The following UNC80 variants were observed in gnomAD, a reference collection of about 807,000 sequenced individuals.
The protein encoded by UNC80 is unc-80 subunit of NALCN channel complex, also known as protein unc-80 homolog.
UNC80 carries 164 observed loss-of-function variants against 384.6 expected under a neutral mutation model. The observed-to-expected ratio is 0.43, with a 90% CI of 0.38 to 0.49. The LOEUF is 0.49. Ranked by LOEUF, UNC80 falls within the 20% of genes least tolerant of loss-of-function variation. UNC80 has a pLI of 0.00. For synonymous variants in UNC80, 1,486 were observed against 1,527.8 expected (o/e 0.97, Z 0.64); for missense variants, 3,330 against 4,143.0 (o/e 0.80, Z 5.39).
At chr2:209,968,145 C>T (rs2092788493) in intron 52 of UNC80, 1 of 153,522 alleles carries the variant, frequency 6.5e-6, no homozygotes, top group Non-Finnish European at 1.4e-5. Context: ...TTACCTAATT[C>T]AGTGTGGTAC....
rs543257239 is a variant in UNC80 at position 209,899,450 on chromosome 2, G to A, written c.4581+3037G>A. Among the ~76,000 whole-genome samples the A allele has an allele frequency of 3.3e-5, 5 of 152,264 alleles. No individual in the cohort carries two copies. In the South Asian group the frequency reaches 1.0e-3, roughly 32 times the overall value. On this transcript the variant is annotated intron_variant, in intron 28 of 64. Transcript: ENST00000673920. Reference sequence around the variant, plus strand: ...AATTATCTGTACTTTCTGCTCAATTGTAATGTGAAGCCAAAACTGCTCTAA... The same window carrying A: ...AATTATCTGTACTTTCTGCTCAATTATAATGTGAAGCCAAAACTGCTCTAA...
At chr2:209,870,639 A>G (rs978336465) in intron 22 of UNC80, among the ~76,000 whole-genome samples, 1 of 152,172 alleles carries the variant, frequency 6.6e-6, no homozygotes, top group Non-Finnish European at 1.5e-5. Flanking sequence ...TGTTGTGGTA[A>G]TACATAATAT....
chr2:209,783,198 G>A (rs530229396), intron 4 of UNC80, among the ~76,000 whole-genome samples: 4 of 152,250 alleles, frequency 2.6e-5, no homozygotes, highest in South Asian at 4.1e-4. Context: ...TTGCCTCTAC[G>A]TGTACTTACA....
Position 209,938,253 on chromosome 2 carries a change from G to A in UNC80, c.6465+623G>A, listed in dbSNP as rs150699019. On this transcript the variant is annotated intron_variant, in intron 42 of 64. Coordinates refer to ENST00000673920, the MANE Select transcript of UNC80 (RefSeq NM_001371986.1). Reference sequence around the variant, plus strand: ...CTTAAGGAAAGTCACTATTCTGCATGCAAAATATAGCTTTAGTACACAATT... The same window carrying A: ...CTTAAGGAAAGTCACTATTCTGCATACAAAATATAGCTTTAGTACACAATT... Among the ~76,000 whole-genome samples, 169 of 152,218 alleles carry A rather than the reference G, an allele frequency of 1.1e-3. 2 individuals are homozygous for A. In the East Asian group the frequency reaches 0.021, roughly 19 times the overall value.
chr2:209,981,919 A>G (rs760622575), intron 59 of UNC80, among the ~76,000 whole-genome samples: 3 of 152,230 alleles, frequency 2.0e-5, no homozygotes, highest in Non-Finnish European at 4.4e-5. Flanking sequence ...TTCACAAATA[A>G]TCTACTTGTA....
chr2:209,777,417 A>G lies in UNC80; in HGVS notation c.458A>G (p.Glu153Gly), dbSNP rs200046472. The change falls in exon 4 of 65, where the codon GAA becomes GGA. Residue 153 changes from glutamate to glycine, a missense_variant. By Grantham distance (98) the Glu-to-Gly change is moderately conservative. Coordinates refer to ENST00000673920, the MANE Select transcript of UNC80 (RefSeq NM_001371986.1). ...AGCAGTGCTTTCATCCACCAGGTTG[A>G]AAACCAGGGTTCTCCAGGGCAGCCT... ...GSSSAFIHQV[E>G]NQGSPGQPCQ... is the part of the protein sequence containing the mutation. 1.2e-6 allele frequency: 2 copies of G among 1,614,198 alleles called. No individual in the cohort carries two copies. Among genetic ancestry groups the G allele is most frequent in the South Asian group, 2.2e-5 (2 of 91,086 alleles).
chr2:209,866,533 C>CACACATACACACACAG (rs1307214321), intron 22 of UNC80, among the ~76,000 whole-genome samples: 4 of 104,136 alleles, frequency 3.8e-5, no homozygotes, highest in Admixed American at 1.8e-4. Context: ...CACACACACA[C>CACACATACACACACAG]AGAGAGAGAG....
intron 51 of UNC80, among the ~76,000 whole-genome samples, chr2:209,963,253 A>G (rs1029105031): frequency 1.3e-5 from 2 of 151,904 alleles, no homozygotes; most frequent in South Asian, 2.1e-4. Context: ...TGTGGTCTCT[A>G]TCTCTCTCAT....
rs750316377 is a variant in UNC80 at position 209,813,829 on chromosome 2, C to A, written c.1188C>A (p.Thr396=). Residue 396 remains threonine (T), a synonymous_variant, in exon 8 of 65, where the codon ACC becomes ACA. Coordinates refer to ENST00000673920, the MANE Select transcript of UNC80 (RefSeq NM_001371986.1). ...MVAAAPSLVN[T]HKTQDLTMKC... is the part of the protein sequence containing the mutation. ...CAGCAGCTCCCTCACTAGTGAACAC[C>A]CACAAAACCCAAGTAAGAAAAACCC... 4 of 1,551,212 alleles carry A rather than the reference C, an allele frequency of 2.6e-6. No homozygotes were observed. Among genetic ancestry groups the A allele is most frequent in the Non-Finnish European group, 3.5e-6 (4 of 1,146,712 alleles).
At chr2:209,984,800 C>CT (rs58948800) in intron 60 of UNC80, 56 bp from the exon 61 acceptor site, 44,798 of 1,025,140 alleles carry the variant, frequency 0.044, 5 homozygotes, top group South Asian at 0.047. Flanking sequence ...TTTCTTTTTT[C>CT]TTTTTTTTTT....
Position 209,786,071 on chromosome 2 carries a change from T to C in UNC80, c.606T>C (p.Ser202=), listed in dbSNP as rs745766965. Residue 202 remains serine (S), a synonymous_variant, in exon 5 of 65, where the codon TCT becomes TCC. Coordinates refer to ENST00000673920, the MANE Select transcript of UNC80 (RefSeq NM_001371986.1). ...TATCTTCTCCTCCCCCCTAGGAATC[T>C]GACCTCACCTTCCGTCTGGCCAGTG... The part of the protein sequence containing the change: ...FAPLVHRIKE[S]DLTFRLASGL... 14 of 1,613,520 alleles carry C rather than the reference T, an allele frequency of 8.7e-6. No homozygotes were observed. In the Admixed American group the frequency reaches 2.3e-4, roughly 27 times the overall value.
intron 25 of UNC80, 68 bp from the exon 26 acceptor site, chr2:209,888,027 G>A (rs1439212097): frequency 6.8e-7 from 1 of 1,480,008 alleles, no homozygotes; most frequent in African/African-American, 1.4e-5. Context: ...ATGGTGGGAG[G>A]CTTGCCGCGA....
intron 25 of UNC80, among the ~76,000 whole-genome samples, chr2:209,882,621 T>C (rs2085399957): frequency 6.6e-6 from 1 of 152,162 alleles, no homozygotes; most frequent in African/African-American, 2.4e-5. Context: ...CTTTCACTAT[T>C]ATATTGAGAC....
intron 48 of UNC80, among the ~76,000 whole-genome samples, chr2:209,955,757 A>G (rs1166664324): frequency 8.6e-6 from 1 of 116,854 alleles, no homozygotes; most frequent in African/African-American, 3.6e-5. Context: ...ACACACACAC[A>G]CAGAGAGAGA....
At chr2:209,921,394 C>A in intron 33 of UNC80, 106 bp from the exon 34 acceptor site, 1 of 1,147,850 alleles carries the variant, frequency 8.7e-7, no homozygotes, top group East Asian at 2.7e-5. Flanking sequence ...CCTAACATTT[C>A]CTGAGGACAA....
chr2:209,793,242 C>T (rs1438512746), intron 6 of UNC80, among the ~76,000 whole-genome samples: 4 of 152,152 alleles, frequency 2.6e-5, no homozygotes, highest in East Asian at 1.9e-4. Context: ...TCATTGTGTC[C>T]GATTAGAAAA....
intron 4 of UNC80, among the ~76,000 whole-genome samples, chr2:209,784,306 A>T (rs1399629700): frequency 1.3e-5 from 2 of 152,154 alleles, no homozygotes; most frequent in Non-Finnish European, 1.5e-5. Flanking sequence ...GCCTGAGTGA[A>T]CCTATTAAAA....
At chr2:209,776,102 C>T (rs1159757124) in intron 3 of UNC80, 57 bp downstream of exon 3, 1 of 1,605,892 alleles carries the variant, frequency 6.2e-7, no homozygotes, top group African/African-American at 1.3e-5. Flanking sequence ...GTTCAACACT[C>T]ATCATAATAA....
Position 209,783,052 on chromosome 2 carries a change from T to A in UNC80, c.601-3014T>A, listed in dbSNP as rs191789332. On this transcript the variant is annotated intron_variant, in intron 4 of 64. Coordinates refer to ENST00000673920, the MANE Select transcript of UNC80 (RefSeq NM_001371986.1). ...ATCCATATGTGTAAAGTAAACAACT[T>A]TAAAATGGAACTTAAAATAATAGTT... is the stretch of plus-strand genomic sequence containing the variant. Among the ~76,000 whole-genome samples, 618 of 152,256 alleles carry A rather than the reference T, an allele frequency of 4.1e-3. 7 individuals carry two copies. The highest frequency in any genetic ancestry group is 2.4e-3 in the Non-Finnish European group (160 of 67,994).
Sources: allele counts gnomAD v4.1 joint callset (sites outside exome capture counted in the v4.1 genomes callset), GRCh38; gene constraint gnomAD v4.1.1; transcripts MANE v1.5; gene names NCBI Gene and HGNC (gene_info 2026-07-23, HGNC 2026-07-21).